Variants in COG5 observed in about 807,000 individuals in gnomAD.
COG5 encodes conserved oligomeric Golgi complex subunit 5.
In COG5, 86 loss-of-function variants were observed where a neutral mutation model predicts 110.4. That is an observed-to-expected ratio of 0.78 (90% CI 0.65 to 0.93). The LOEUF is 0.93. COG5 is among the 40% of genes least tolerant of loss of function. The pLI, the probability that COG5 is intolerant of heterozygous loss-of-function variation, is 0.00. For missense variants in COG5, 1,077 were observed against 987.0 expected (o/e 1.09, Z -1.22); for synonymous variants, 360 against 334.6 (o/e 1.08, Z -0.83).
At chr7:107,206,154 G>A (rs1798768636) in intron 21 of COG5, among the ~76,000 whole-genome samples, 1 of 152,052 alleles carries the variant, frequency 6.6e-6, no homozygotes. Context: ...GTAGAGACGG[G>A]GTTTCACCGT....
chr7:107,478,060 T>C (rs1384214705), intron 6 of COG5, among the ~76,000 whole-genome samples: 2 of 152,052 alleles, frequency 1.3e-5, no homozygotes, highest in South Asian at 2.1e-4. Flanking sequence ...TAGGCATAGA[T>C]ATCAATTTCT....
At chr7:107,532,951 T>G (rs912579770) in intron 5 of COG5, among the ~76,000 whole-genome samples, 2 of 152,212 alleles carry the variant, frequency 1.3e-5, no homozygotes, top group Non-Finnish European at 2.9e-5. Context: ...CTAGTTCTCA[T>G]GCTTAACACT....
intron 12 of COG5, among the ~76,000 whole-genome samples, chr7:107,295,748 C>T (rs529589230): frequency 6.6e-6 from 1 of 152,134 alleles, no homozygotes; most frequent in African/African-American, 2.4e-5. Flanking sequence ...AACACAGTAG[C>T]TTTTTTTACT....
In COG5 at chr7:107,563,864, A is replaced by AGCTACAGCGAC; in HGVS notation, c.22_32dup (p.Gly12SerfsTer3). 1 of 1,613,622 alleles carries AGCTACAGCGAC rather than the reference A, an allele frequency of 6.2e-7. No homozygotes were observed. Among genetic ancestry groups the AGCTACAGCGAC allele is most frequent in the Non-Finnish European group, 8.5e-7 (1 of 1,179,944 alleles). ...CTCCAGAGCCTCGAGCTCCGAGGCC[A>AGCTACAGCGAC]GCTACAGCGACGCTGCCGCCGCCAC... On this transcript the variant is annotated stop_gained and frameshift_variant, in exon 1 of 22. Transcript: ENST00000297135. LOFTEE classifies it high-confidence loss of function.
intron 16 of COG5, among the ~76,000 whole-genome samples, chr7:107,251,695 A>G (rs1031994726): frequency 6.6e-6 from 1 of 152,200 alleles, no homozygotes; most frequent in Non-Finnish European, 1.5e-5. Flanking sequence ...ATAACACAGA[A>G]AAATTGCAGT....
intron 6 of COG5, among the ~76,000 whole-genome samples, chr7:107,465,963 T>C (rs1796271698): frequency 1.3e-5 from 2 of 152,162 alleles, no homozygotes; most frequent in Non-Finnish European, 2.9e-5. Context: ...TTGTTAAATA[T>C]GTAATCTAGT....
chr7:107,436,859 T>G (rs2129083693), intron 6 of COG5, among the ~76,000 whole-genome samples: 1 of 152,298 alleles, frequency 6.6e-6, no homozygotes, highest in East Asian at 1.9e-4. Context: ...ATAAAAAGTG[T>G]AGTATTTAAT....
intron 6 of COG5, among the ~76,000 whole-genome samples, chr7:107,453,190 C>T (rs1026990405): frequency 6.6e-6 from 1 of 152,138 alleles, no homozygotes; most frequent in African/African-American, 2.4e-5. Flanking sequence ...ACAATAGTCA[C>T]AGGTCTACAA....
intron 5 of COG5, among the ~76,000 whole-genome samples, chr7:107,536,782 C>T (rs1432521449): frequency 2.0e-5 from 3 of 151,978 alleles, no homozygotes; most frequent in Non-Finnish European, 4.4e-5. Flanking sequence ...CATATGGAAC[C>T]AAAAAAGAGC....
intron 10 of COG5, among the ~76,000 whole-genome samples, chr7:107,325,607 C>T (rs897907349): frequency 2.0e-5 from 3 of 152,194 alleles, no homozygotes; most frequent in South Asian, 2.1e-4. Context: ...GCCAAGATTG[C>T]GCCACTGCAC....
Position 107,236,586 on chromosome 7 carries a change from A to G in COG5, c.1955T>C (p.Phe652Ser), listed in dbSNP as rs752945696. The change falls in exon 18 of 22, where the codon TTT becomes TCT. Residue 652 changes from phenylalanine (F) to serine (S), a missense_variant. Coordinates refer to ENST00000297135, the MANE Select transcript of COG5 (RefSeq NM_006348.5). ...ARVMSDYFKH[F>S]ECLDFVFDNT... Reference sequence around the variant, plus strand: ...GTCAAAGACAAAATCCAAGCATTCAAAGTGTTTAAAATAGTCACTCATAAC... The same window carrying G: ...GTCAAAGACAAAATCCAAGCATTCAGAGTGTTTAAAATAGTCACTCATAAC... 3.7e-6 allele frequency: 6 copies of G among 1,614,056 alleles called. No individual in the cohort carries two copies. Among genetic ancestry groups the G allele is most frequent in the Non-Finnish European group, 5.1e-6 (6 of 1,179,960 alleles).
Position 107,246,363 on chromosome 7 carries a change from C to T in COG5, c.1853+2033G>A, listed in dbSNP as rs181062089. Among the ~76,000 whole-genome samples, 20 of 152,130 alleles carry T rather than the reference C, an allele frequency of 1.3e-4. 1 individual carries two copies. The highest frequency in any genetic ancestry group is 2.6e-4 in the Admixed American group (4 of 15,264). On this transcript the variant is annotated intron_variant, in intron 17 of 21. Transcript: ENST00000297135. ...CACAATAAAAGGCAAAATTGCCAAG[C>T]GGGATCTAATTAAACCTAAGAGCTT...
chr7:107,242,212 G>C (rs1377790602), intron 17 of COG5, among the ~76,000 whole-genome samples: 1 of 152,184 alleles, frequency 6.6e-6, no homozygotes, highest in Non-Finnish European at 1.5e-5. Context: ...CAGGTACTCA[G>C]GGACTAATCA....
At chr7:107,358,772 G>C (rs1055297471) in intron 10 of COG5, among the ~76,000 whole-genome samples, 1 of 152,028 alleles carries the variant, frequency 6.6e-6, no homozygotes, top group African/African-American at 2.4e-5. Context: ...AGCTCAAGTT[G>C]AGTTTTCCCA....
intron 5 of COG5, among the ~76,000 whole-genome samples, chr7:107,542,211 G>A (rs948236695): frequency 1.6e-4 from 24 of 152,054 alleles, no homozygotes; most frequent in Non-Finnish European, 3.1e-4. Context: ...ACAAGAGCGA[G>A]AAGGAGAAAA....
chr7:107,330,614 T>C (rs1810153810), intron 10 of COG5, among the ~76,000 whole-genome samples: 1 of 152,218 alleles, frequency 6.6e-6, no homozygotes, highest in Non-Finnish European at 1.5e-5. Flanking sequence ...ATTTTCATGC[T>C]AACTTTATTG....
At chr7:107,208,694 T>C in intron 21 of COG5, 1 of 985,438 alleles carries the variant, frequency 1.0e-6, no homozygotes, top group Non-Finnish European at 1.2e-6. Context: ...GTGTCAGATG[T>C]TCATAGCTGA....
intron 6 of COG5, among the ~76,000 whole-genome samples, chr7:107,501,815 T>C (rs1261072642): frequency 1.3e-5 from 2 of 152,142 alleles, no homozygotes; most frequent in African/African-American, 2.4e-5. Context: ...GTCACATATG[T>C]AAGCAATTTA....
At chr7:107,541,951 A>T (rs568137934) in intron 5 of COG5, among the ~76,000 whole-genome samples, 1 of 151,692 alleles carries the variant, frequency 6.6e-6, no homozygotes, top group Admixed American at 6.6e-5. Context: ...AAAAAAAAAA[A>T]CTATAAAAAC....
Sources: gnomAD v4.1 joint callset for allele counts (sites outside exome capture counted in the v4.1 genomes callset) on GRCh38, gnomAD v4.1.1 for gene constraint, MANE v1.5 for transcripts, NCBI Gene and HGNC (gene_info 2026-07-23, HGNC 2026-07-21) for gene names.